GRIN2B: variants seen among roughly 807,000 people sequenced by gnomAD.
GRIN2B encodes the protein glutamate receptor ionotropic, NMDA 2B.
In GRIN2B, 5 loss-of-function variants were observed where a neutral mutation model predicts 114.5. The ratio of observed to expected loss-of-function variants is 0.04; its 90% CI spans 0.02 to 0.09. The LOEUF (loss-of-function observed/expected upper bound fraction) is 0.09, where lower values mean the gene tolerates loss of function less well. Among genes scored for constraint, GRIN2B ranks in the 10% least tolerant of loss-of-function variants. The probability of loss-of-function intolerance (pLI) is 1.00; values close to 1 mark genes in which losing one functional copy is unlikely to be tolerated. For synonymous variants in GRIN2B, 787 were observed against 745.1 expected (o/e 1.06, Z -0.92); for missense variants, 1,108 against 1,943.5 (o/e 0.57, Z 8.08).
intron 5 of GRIN2B, among the ~76,000 whole-genome samples, chr12:13,673,267 G>A (rs1442403874): frequency 1.3e-5 from 2 of 152,118 alleles, no homozygotes; most frequent in South Asian, 2.1e-4. Context: ...ACATGTACAG[G>A]GGACGGGACC....
intron 4 of GRIN2B, among the ~76,000 whole-genome samples, chr12:13,735,878 G>A (rs528741029): frequency 9.1e-5 from 13 of 142,624 alleles, no homozygotes; most frequent in African/African-American, 2.4e-4. Context: ...CCCAGGGTTC[G>A]GAAGGAATGG....
intron 10 of GRIN2B, among the ~76,000 whole-genome samples, chr12:13,598,256 C>A (rs1949101914): frequency 6.6e-6 from 1 of 152,230 alleles, no homozygotes; most frequent in African/African-American, 2.4e-5. Flanking sequence ...CACTGGACAG[C>A]ACCCCTCCTG....
intron 5 of GRIN2B, among the ~76,000 whole-genome samples, chr12:13,645,826 C>T (rs1591656724): frequency 1.3e-5 from 2 of 152,144 alleles, no homozygotes; most frequent in East Asian, 3.9e-4. Flanking sequence ...CTGATTCACT[C>T]GCATTTTCCC....
Position 13,842,607 on chromosome 12 carries a change from C to G in GRIN2B, c.411+23191G>C, listed in dbSNP as rs912673814. On this transcript the variant is annotated intron_variant, in intron 3 of 13. Transcript: ENST00000609686. Reference sequence around the variant, plus strand: ...CCACATCTAACACATAAAGGATGTTCTGAATGAGTAAAACTAATCCTAGAC... The same window carrying G: ...CCACATCTAACACATAAAGGATGTTGTGAATGAGTAAAACTAATCCTAGAC... 4.3e-4 allele frequency among the ~76,000 whole-genome samples: 65 copies of G among 152,166 alleles called. 1 individual carries two copies. The highest frequency in any genetic ancestry group is 1.0e-4 in the Non-Finnish European group (7 of 68,034).
intron 3 of GRIN2B, among the ~76,000 whole-genome samples, chr12:13,828,800 C>T (rs1565553500): frequency 6.6e-6 from 1 of 152,108 alleles, no homozygotes; most frequent in East Asian, 1.9e-4. Flanking sequence ...GAAAGTATCA[C>T]AATTTTTGTT....
chr12:13,655,536 C>T lies in GRIN2B; in HGVS notation c.1125+20209G>A, dbSNP rs190017965. Reference sequence around the variant, plus strand: ...AATGAGAATGGGACCAGACCTTTCTCTGTGTTACATTCAGTGGTGCATGGG... The same window carrying T: ...AATGAGAATGGGACCAGACCTTTCTTTGTGTTACATTCAGTGGTGCATGGG... On this transcript the variant is annotated intron_variant, in intron 5 of 13. Transcript: ENST00000609686. Among the ~76,000 whole-genome samples the T allele has an allele frequency of 2.0e-4, 30 of 152,296 alleles. No homozygotes were observed. In the East Asian group the frequency reaches 3.3e-3, roughly 17 times the overall value.
intron 1 of GRIN2B, 51 bp from the exon 2 acceptor site, chr12:13,980,407 G>A (rs1173108574): frequency 2.6e-5 from 4 of 152,102 alleles, no homozygotes; most frequent in Admixed American, 1.3e-4. Flanking sequence ...TCCCCCGGAG[G>A]GTGAGAAAAA....
At chr12:13,903,340 T>G (rs1384357645) in intron 2 of GRIN2B, among the ~76,000 whole-genome samples, 3 of 152,142 alleles carry the variant, frequency 2.0e-5, no homozygotes, top group Non-Finnish European at 4.4e-5. Context: ...CAGTCTTTCT[T>G]TTTTAAAATA....
chr12:13,682,995 G>A (rs147817561), intron 4 of GRIN2B, among the ~76,000 whole-genome samples: 48 of 152,228 alleles, frequency 3.2e-4, no homozygotes, highest in African/African-American at 1.1e-3. Context: ...GCTGTCTTTG[G>A]CCAATTATCA....
intron 3 of GRIN2B, among the ~76,000 whole-genome samples, chr12:13,806,831 C>CCCTAGTATT (rs1240341801): frequency 6.6e-6 from 1 of 151,956 alleles, no homozygotes; most frequent in Non-Finnish European, 1.5e-5. Flanking sequence ...CCATTGTTTT[C>CCCTAGTATT]CCTAGTATTT....
chr12:13,923,139 G>A (rs539145685), intron 2 of GRIN2B, among the ~76,000 whole-genome samples: 5 of 151,854 alleles, frequency 3.3e-5, no homozygotes, highest in African/African-American at 1.2e-4. Context: ...CTGCAAAAAA[G>A]GCCCAAATAA....
chr12:13,611,256 G>A (rs1180225686), intron 9 of GRIN2B, among the ~76,000 whole-genome samples: 1 of 152,146 alleles, frequency 6.6e-6, no homozygotes, highest in African/African-American at 2.4e-5. Context: ...ATGCTTTGGA[G>A]ATCTGGTACC....
intron 2 of GRIN2B, among the ~76,000 whole-genome samples, chr12:13,970,696 C>T (rs1862896725): frequency 1.3e-5 from 2 of 150,536 alleles, no homozygotes; most frequent in African/African-American, 4.9e-5. Context: ...AACACACACA[C>T]ACACACACAC....
rs12580557 is a variant in GRIN2B at position 13,539,097 on chromosome 12, C to G, written c.*23686G>C. On this transcript the variant is annotated 3_prime_UTR_variant, in exon 14 of 14. Transcript: ENST00000609686. ...ACTTTCTGGAATGTTCAGGGAGAAA[C>G]AAGAATTTTTGTTCAGTACAAAGGA... 0.062 allele frequency: 9,394 copies of G among 152,216 alleles called. 411 individuals carry two copies. Among genetic ancestry groups the G allele is most frequent in the East Asian group, 0.2 (1,032 of 5,166 alleles). The allele number at this position is 152,216 out of a possible 1,614,324, so 9.4% of individuals were successfully genotyped here. A position where few individuals can be genotyped will look rare whatever the true frequency, so the allele number is the denominator to read the frequency against.
chr12:13,736,139 G>GGC (rs1555129340), intron 4 of GRIN2B, among the ~76,000 whole-genome samples: 4 of 24,670 alleles, frequency 1.6e-4, no homozygotes, highest in African/African-American at 2.8e-4. Context: ...GAAAAGCGGG[G>GGC]GGGGGGGGGG....
chr12:13,707,754 T>A (rs1430887687), intron 4 of GRIN2B, among the ~76,000 whole-genome samples: 1 of 151,830 alleles, frequency 6.6e-6, no homozygotes, highest in African/African-American at 2.4e-5. Context: ...ACAGTAAAAT[T>A]GAAAAAAAAA....
chr12:13,625,559 C>T lies in GRIN2B; in HGVS notation c.1126-8902G>A, dbSNP rs138308218. Among the ~76,000 whole-genome samples, 28 of 152,260 alleles carry T rather than the reference C, an allele frequency of 1.8e-4. No homozygotes were observed. In the East Asian group the frequency reaches 4.6e-3, roughly 25 times the overall value. Reference sequence around the variant, plus strand: ...CTCCTCCTTCTCATTATAACTATTACTACTACAATTGAAAACATCAGTGCA... The same window carrying T: ...CTCCTCCTTCTCATTATAACTATTATTACTACAATTGAAAACATCAGTGCA... On this transcript the variant is annotated intron_variant, in intron 5 of 13. Coordinates refer to ENST00000609686, the MANE Select transcript of GRIN2B (RefSeq NM_000834.5).
At chr12:13,645,699 T>C (rs1205262268) in intron 5 of GRIN2B, among the ~76,000 whole-genome samples, 1 of 151,956 alleles carries the variant, frequency 6.6e-6, no homozygotes, top group Non-Finnish European at 1.5e-5. Context: ...CAAACCCTAG[T>C]TTTTCATTTT....
intron 3 of GRIN2B, among the ~76,000 whole-genome samples, chr12:13,825,532 G>GTGTGTGTGTA (rs1379949248): frequency 6.8e-6 from 1 of 147,626 alleles, no homozygotes; most frequent in Non-Finnish European, 1.5e-5. Context: ...GTGTGTGTGT[G>GTGTGTGTGTA]TATGATGGAG....
Sources: allele counts gnomAD v4.1 joint callset (sites outside exome capture counted in the v4.1 genomes callset), GRCh38; gene constraint gnomAD v4.1.1; transcripts MANE v1.5; gene names NCBI Gene and HGNC (gene_info 2026-07-23, HGNC 2026-07-21).